Variants in DPYD observed in about 807,000 individuals in gnomAD.
DPYD encodes the protein dihydropyrimidine dehydrogenase.
DPYD carries 109 observed loss-of-function variants against 116.2 expected under a neutral mutation model. The ratio of observed to expected loss-of-function variants is 0.94; its 90% confidence interval spans 0.80 to 1.10. The LOEUF is 1.10. DPYD is among the 50% of genes least tolerant of loss of function. DPYD has a pLI of 0.00. For synonymous variants in DPYD, 440 were observed against 432.0 expected, an observed-to-expected ratio of 1.02 and a Z score of -0.23; for missense variants, 1,302 against 1,254.5, an observed-to-expected ratio of 1.04 and a Z score of -0.57.
At chr1:97,665,121 G>C (rs1299645475) in intron 8 of DPYD, among the ~76,000 whole-genome samples, 4 of 151,856 alleles carry the variant, frequency 2.6e-5, no homozygotes, top group African/African-American at 4.8e-5. Context: ...AACCACATTA[G>C]AATGGGAAAA....
chr1:97,737,079 T>C (rs1663998041), intron 4 of DPYD, among the ~76,000 whole-genome samples: 1 of 152,172 alleles, frequency 6.6e-6, no homozygotes, highest in South Asian at 2.1e-4. Flanking sequence ...ACTTTCCGTT[T>C]CTATATAGTT....
chr1:97,526,949 C>T (rs10430076), intron 12 of DPYD, among the ~76,000 whole-genome samples: 20,489 of 152,086 alleles, frequency 0.13, 1,799 homozygotes, highest in East Asian at 0.31. Context: ...GCATTATTCT[C>T]CTATTGAAGA....
chr1:97,607,807 C>T (rs1465456745), intron 8 of DPYD, among the ~76,000 whole-genome samples: 1 of 151,906 alleles, frequency 6.6e-6, no homozygotes, highest in African/African-American at 2.4e-5. Flanking sequence ...CAGCGCATAA[C>T]ACTATGTACA....
chr1:97,520,499 A>T (rs950415575), intron 12 of DPYD, among the ~76,000 whole-genome samples: 15 of 152,042 alleles, frequency 9.9e-5, no homozygotes, highest in Admixed American at 7.2e-4. Flanking sequence ...CTTTAGTATT[A>T]TTCTTTGAGT....
intron 1 of DPYD, among the ~76,000 whole-genome samples, chr1:97,900,283 T>C (rs1673295990): frequency 6.6e-6 from 1 of 151,876 alleles, no homozygotes; most frequent in Non-Finnish European, 1.5e-5. Flanking sequence ...TCTGGACTTC[T>C]TTTACATGAG....
At chr1:97,122,037 G>C (rs1347935576) in intron 20 of DPYD, among the ~76,000 whole-genome samples, 1 of 152,140 alleles carries the variant, frequency 6.6e-6, no homozygotes, top group Non-Finnish European at 1.5e-5. Context: ...CTTGAATCTT[G>C]AAGGATGGAA....
At chr1:97,361,101 A>C (rs557589534) in intron 16 of DPYD, among the ~76,000 whole-genome samples, 22 of 152,324 alleles carry the variant, frequency 1.4e-4, no homozygotes, top group African/African-American at 5.1e-4. Flanking sequence ...AAATAGACAC[A>C]ATAATAAATG....
chr1:97,830,948 T>C (rs1236509083), intron 2 of DPYD, among the ~76,000 whole-genome samples: 1 of 152,156 alleles, frequency 6.6e-6, no homozygotes, highest in Non-Finnish European at 1.5e-5. Context: ...TGATGTGGAA[T>C]GGGAAACCCA....
intron 2 of DPYD, among the ~76,000 whole-genome samples, chr1:97,843,482 C>A (rs1670136995): frequency 6.6e-6 from 1 of 152,148 alleles, no homozygotes; most frequent in Admixed American, 6.5e-5. Context: ...ATCTATGGAG[C>A]CTTCTGAACA....
chr1:97,920,605 G>C (rs1176276216), intron 1 of DPYD, among the ~76,000 whole-genome samples: 1 of 152,170 alleles, frequency 6.6e-6, no homozygotes, highest in African/African-American at 2.4e-5. Flanking sequence ...ATTCAGAGGA[G>C]GACAAGACAG....
intron 20 of DPYD, among the ~76,000 whole-genome samples, chr1:97,129,524 T>G (rs544591225): frequency 2.6e-5 from 4 of 152,284 alleles, no homozygotes; most frequent in South Asian, 4.2e-4. Context: ...TCTTTGCTGT[T>G]GCCCCTAGTT....
At chr1:97,723,207 T>C (rs1663021426) in intron 4 of DPYD, among the ~76,000 whole-genome samples, 1 of 151,666 alleles carries the variant, frequency 6.6e-6, no homozygotes, top group Admixed American at 6.6e-5. Context: ...ATGAAAGTTA[T>C]GTCTGCCATG....
At chr1:97,633,501 AC>A (rs1254041777) in intron 8 of DPYD, among the ~76,000 whole-genome samples, 5 of 152,118 alleles carry the variant, frequency 3.3e-5, no homozygotes, top group Admixed American at 2.0e-4. Context: ...CAGCCTCTTC[AC>A]TATTAATCAA....
chr1:97,654,374 C>A (rs1048984972), intron 8 of DPYD, among the ~76,000 whole-genome samples: 3 of 152,002 alleles, frequency 2.0e-5, no homozygotes, highest in Admixed American at 6.6e-5. Context: ...TTAAGGAATT[C>A]TATGACATCA....
rs1651052668 is a variant in DPYD, at chr1:97,105,247, A to C, written c.2623-6615T>G. On this transcript the variant is annotated intron_variant, in intron 20 of 22. Coordinates refer to ENST00000370192, the MANE Select transcript of DPYD (RefSeq NM_000110.4). ...TGGTCCAAGCATTATGCATGGAGAA[A>C]TGTAGAATTTTGAAGGAGAGGGGGA... Among the ~76,000 whole-genome samples the C allele has an allele frequency of 4.6e-5, 7 of 152,006 alleles. No individual in the cohort carries two copies. In the South Asian group the frequency reaches 1.5e-3, roughly 32 times the overall value.
At chr1:97,199,098 C>A (rs77334809) in intron 19 of DPYD, among the ~76,000 whole-genome samples, 18,356 of 152,116 alleles carry the variant, frequency 0.12, 1,390 homozygotes, top group East Asian at 0.39. Context: ...CTCATTATTT[C>A]TCATAAAATG....
At chr1:97,234,269 C>T (rs930669453) in intron 19 of DPYD, among the ~76,000 whole-genome samples, 1 of 152,050 alleles carries the variant, frequency 6.6e-6, no homozygotes, top group Non-Finnish European at 1.5e-5. Flanking sequence ...TTTTAATGTT[C>T]TAATTTTTAT....
chr1:97,685,119 C>T (rs1297754759), intron 7 of DPYD, among the ~76,000 whole-genome samples: 1 of 152,160 alleles, frequency 6.6e-6, no homozygotes, highest in Admixed American at 6.5e-5. Flanking sequence ...AAATGAAATT[C>T]AGCAGCATAT....
chr1:97,216,217 G>T (rs192337372), intron 19 of DPYD, among the ~76,000 whole-genome samples: 79 of 152,168 alleles, frequency 5.2e-4, no homozygotes, highest in African/African-American at 1.7e-3. Flanking sequence ...GAAATCTACT[G>T]AACTGTAACT....
Sources: gnomAD v4.1 joint callset for allele counts (sites outside exome capture counted in the v4.1 genomes callset) on GRCh38, gnomAD v4.1.1 for gene constraint, MANE v1.5 for transcripts, NCBI Gene and HGNC (gene_info 2026-07-23, HGNC 2026-07-21) for gene names.